Variants in DGKI observed in about 807,000 individuals in gnomAD.
DGKI encodes diacylglycerol kinase iota, also known as DAG kinase iota.
DGKI carries 55 observed loss-of-function variants against 147.5 expected under a neutral mutation model. That is an observed-to-expected ratio of 0.37 (90% confidence interval 0.30 to 0.47). The LOEUF is 0.47. Ranked by LOEUF, DGKI falls within the 20% of genes least tolerant of loss-of-function variation. The probability of loss-of-function intolerance (pLI) is 1.00; values close to 1 mark genes in which losing one functional copy is unlikely to be tolerated. For synonymous variants in DGKI, 469 were observed against 477.1 expected, an observed-to-expected ratio of 0.98 and a Z score of 0.22; for missense variants, 1,007 against 1,323.8, an observed-to-expected ratio of 0.76 and a Z score of 3.71.
At chr7:137,699,772 C>T (rs1291874820) in intron 1 of DGKI, among the ~76,000 whole-genome samples, 1 of 152,170 alleles carries the variant, frequency 6.6e-6, no homozygotes, top group Non-Finnish European at 1.5e-5. Context: ...GATGCTAGCA[C>T]ACTTGGTCCC....
intron 1 of DGKI, among the ~76,000 whole-genome samples, chr7:137,826,640 G>A (rs1385970119): frequency 6.6e-6 from 1 of 151,962 alleles, no homozygotes; most frequent in Non-Finnish European, 1.5e-5. Flanking sequence ...TGATTTCTAG[G>A]TATTGGAATC....
At position 137,408,517 on chromosome 7, in the gene DGKI, T is replaced by A. The variant is rs1329369122; in HGVS notation, c.2800-522A>T. ...CATGTAAGATCACTGAATACAAGTA[T>A]AGACACATACACACGCATGCATGCA... On this transcript the variant is annotated intron_variant, in intron 29 of 32. Transcript: ENST00000614521. 7.2e-5 allele frequency among the ~76,000 whole-genome samples: 11 copies of A among 152,338 alleles called. No homozygotes were observed. In the East Asian group the frequency reaches 2.1e-3, roughly 29 times the overall value.
At chr7:137,806,978 C>A (rs1797392130) in intron 1 of DGKI, among the ~76,000 whole-genome samples, 1 of 152,214 alleles carries the variant, frequency 6.6e-6, no homozygotes, top group Admixed American at 6.5e-5. Flanking sequence ...GCTTCATCCA[C>A]TATGAGCCCT....
intron 12 of DGKI, among the ~76,000 whole-genome samples, chr7:137,589,548 G>A (rs1172423202): frequency 1.3e-5 from 2 of 152,184 alleles, no homozygotes; most frequent in Non-Finnish European, 2.9e-5. Flanking sequence ...AATGCCTGAT[G>A]CTAAATTAGT....
chr7:137,814,210 G>A (rs1023052636), intron 1 of DGKI, among the ~76,000 whole-genome samples: 4 of 152,124 alleles, frequency 2.6e-5, no homozygotes, highest in African/African-American at 7.2e-5. Context: ...GAGCCTTCAC[G>A]AAGCCTTTTC....
At chr7:137,692,346 C>CA (rs1178570851) in intron 1 of DGKI, among the ~76,000 whole-genome samples, 4 of 152,122 alleles carry the variant, frequency 2.6e-5, no homozygotes, top group Non-Finnish European at 5.9e-5. Flanking sequence ...AGTGTCCTTA[C>CA]AAAAAATACC....
intron 6 of DGKI, among the ~76,000 whole-genome samples, chr7:137,627,345 C>T (rs1240625425): frequency 6.6e-6 from 1 of 152,196 alleles, no homozygotes; most frequent in African/African-American, 2.4e-5. Context: ...ACTGTAAGTT[C>T]TTTGAAGGCA....
intron 21 of DGKI, 150 bp downstream of exon 21, chr7:137,521,716 T>C (rs1816966780): frequency 1.6e-6 from 1 of 616,484 alleles, no homozygotes. Context: ...ACATTATCAC[T>C]TGGAGCCCAC....
intron 19 of DGKI, among the ~76,000 whole-genome samples, chr7:137,557,833 C>T (rs1317884396): frequency 6.6e-6 from 1 of 152,188 alleles, no homozygotes; most frequent in Non-Finnish European, 1.5e-5. Flanking sequence ...CCATGCCCAT[C>T]AACAGGCCTC....
At chr7:137,637,793 A>C (rs2129004152) in intron 6 of DGKI, among the ~76,000 whole-genome samples, 1 of 152,336 alleles carries the variant, frequency 6.6e-6, no homozygotes, top group South Asian at 2.1e-4. Context: ...TTTTTCTTTA[A>C]CAAGAGAGAA....
intron 22 of DGKI, among the ~76,000 whole-genome samples, chr7:137,486,013 A>G (rs1241836879): frequency 6.6e-6 from 1 of 152,096 alleles, no homozygotes; most frequent in African/African-American, 2.4e-5. Context: ...TCCTTTCATA[A>G]AGTTTTATAA....
At chr7:137,560,412 T>G (rs10275857) in intron 19 of DGKI, among the ~76,000 whole-genome samples, 16,591 of 151,990 alleles carry the variant, frequency 0.11, 2,022 homozygotes, top group African/African-American at 0.3. Flanking sequence ...ATATTCCTAG[T>G]TCGTTGGGGA....
At chr7:137,663,345 G>A (rs1017330414) in intron 3 of DGKI, among the ~76,000 whole-genome samples, 2 of 152,240 alleles carry the variant, frequency 1.3e-5, no homozygotes, top group Admixed American at 1.3e-4. Flanking sequence ...TCACCTAGAG[G>A]AGGGCAAAAT....
intron 6 of DGKI, among the ~76,000 whole-genome samples, chr7:137,641,500 G>A (rs764998705): frequency 2.0e-5 from 3 of 152,110 alleles, no homozygotes; most frequent in South Asian, 2.1e-4. Flanking sequence ...TAGTAAAAAC[G>A]TTGTTTCATG....
At chr7:137,757,165 C>T (rs758443858) in intron 1 of DGKI, among the ~76,000 whole-genome samples, 107 of 152,030 alleles carry the variant, frequency 7.0e-4, no homozygotes, top group Admixed American at 3.0e-3. Flanking sequence ...CTCCACTTAA[C>T]GCTGCATCCA....
At chr7:137,417,926 T>A (rs1029310140) in intron 28 of DGKI, among the ~76,000 whole-genome samples, 1 of 152,184 alleles carries the variant, frequency 6.6e-6, no homozygotes, top group African/African-American at 2.4e-5. Flanking sequence ...CTTCCCAGAA[T>A]CCAGAACCAT....
At chr7:137,405,894 G>A (rs999895486) in intron 30 of DGKI, among the ~76,000 whole-genome samples, 1 of 152,156 alleles carries the variant, frequency 6.6e-6, no homozygotes, top group Admixed American at 6.5e-5. Flanking sequence ...GGAGCTGACT[G>A]CAGCCTCCTA....
chr7:137,528,409 G>T (rs1320202735), intron 20 of DGKI, among the ~76,000 whole-genome samples: 1 of 152,164 alleles, frequency 6.6e-6, no homozygotes, highest in Middle Eastern at 3.2e-3. Flanking sequence ...TTGTACAGAA[G>T]TTTTTGATTC....
intron 1 of DGKI, among the ~76,000 whole-genome samples, chr7:137,785,461 C>T (rs374307276): frequency 6.6e-6 from 1 of 151,350 alleles, no homozygotes; most frequent in African/African-American, 2.4e-5. Flanking sequence ...TAACAAGCAG[C>T]GTGATTGAAA....
Sources: allele counts gnomAD v4.1 joint callset (sites outside exome capture counted in the v4.1 genomes callset), GRCh38; gene constraint gnomAD v4.1.1; transcripts MANE v1.5; gene names NCBI Gene and HGNC (gene_info 2026-07-23, HGNC 2026-07-21).